PSMD3: variants seen among roughly 807,000 people sequenced by gnomAD.
PSMD3 encodes proteasome 26S subunit, non-ATPase 3.
A neutral mutation model predicts 62.8 loss-of-function variants in PSMD3; 5 were observed. The observed-to-expected ratio is 0.08, with a 90% confidence interval of 0.04 to 0.17. The LOEUF is 0.17. Ranked by LOEUF, PSMD3 falls within the 10% of genes least tolerant of loss-of-function variation. The pLI is 1.00. For synonymous variants in PSMD3, 265 were observed against 283.9 expected, an observed-to-expected ratio of 0.93 and a Z score of 0.67; for missense variants, 524 against 713.6, an observed-to-expected ratio of 0.73 and a Z score of 3.03.
In PSMD3 at chr17:39,996,758, A is replaced by G. The variant is rs1980794468; in HGVS notation, c.1476+420A>G. ...AGGCACTTAGCGAAGTCTAAATTGT[A>G]AAAAAGATGGCGCTGGTATCTAGCT... On this transcript the variant is annotated intron_variant, in intron 10 of 11. Coordinates refer to ENST00000264639, the MANE Select transcript of PSMD3 (RefSeq NM_002809.4). The surrounding 1 kb of genome is among the most constrained non-coding windows in gnomAD (Gnocchi z 5.1). 6.4e-6 allele frequency: 3 copies of G among 467,574 alleles called. No homozygotes were observed. The highest frequency in any genetic ancestry group is 1.3e-5 in the Non-Finnish European group (3 of 235,002). 29.0% of individuals were successfully genotyped at this position (467,574 alleles called of 1,614,324 possible).
rs2144817178 is a variant in PSMD3, at chr17:39,995,495, A to G, written c.1288A>G (p.Ser430Gly). ...ADIAQKLQLD[S>G]PEDAEFIVAK... ...CATCGCCCAGAAGCTGCAGTTGGAT[A>G]GCCCCGAAGATGCAGAGTTCATTGT... The change falls in exon 9 of 12, where the codon AGC becomes GGC. Residue 430 changes from serine to glycine, a missense_variant. By Grantham distance (56) the Ser-to-Gly change is moderately conservative. Coordinates refer to ENST00000264639, the MANE Select transcript of PSMD3 (RefSeq NM_002809.4). The surrounding 1 kb of genome is among the most constrained non-coding windows in gnomAD (Gnocchi z 4.1). The G allele has an allele frequency of 6.2e-7, 1 of 1,614,018 alleles. No homozygotes were observed. The highest frequency in any genetic ancestry group is 8.5e-7 in the Non-Finnish European group (1 of 1,179,914).
At position 39,988,680 on chromosome 17, in the gene PSMD3, C is replaced by T. The variant is rs999799128; in HGVS notation, c.550-3C>T. On this transcript the variant is annotated splice_region_variant and splice_polypyrimidine_tract_variant and intron_variant, in intron 3 of 11. Coordinates refer to ENST00000264639, the MANE Select transcript of PSMD3 (RefSeq NM_002809.4). ...CTTGATTCTCTTTTGGCTTCCTCCC[C>T]AGGCACAGAAGATCTCTGATGATCT... 6.2e-7 allele frequency: 1 copy of T among 1,614,050 alleles called. No individual in the cohort carries two copies.
At chr17:39,994,867 C>A in intron 6 of PSMD3, 87 bp from the exon 7 acceptor site, 1 of 1,165,514 alleles carries the variant, frequency 8.6e-7, no homozygotes, top group Non-Finnish European at 1.3e-6. Context: ...TTTCCCACTA[C>A]ATCTGGCAGA....
intron 1 of PSMD3, 73 bp from the exon 2 acceptor site, chr17:39,984,221 A>AG: frequency 1.1e-6 from 1 of 917,410 alleles, no homozygotes; most frequent in Non-Finnish European, 1.6e-6. Context: ...AAAAAAAAAA[A>AG]AGAACTCCTT....
rs1187236821 is a variant in PSMD3 at position 39,981,088 on chromosome 17, G to A, written c.118G>A (p.Glu40Lys). The A allele has an allele frequency of 1.3e-6, 2 of 1,550,836 alleles. No homozygotes were observed. Among genetic ancestry groups the A allele is most frequent in the Admixed American group, 3.9e-5 (2 of 50,996 alleles). Residue 40 changes from glutamate (E) to lysine (K), a missense_variant, in exon 1 of 12, where the codon GAG becomes AAG. Physicochemically the swap from Glu to Lys is moderately conservative, Grantham distance 56 (BLOSUM62 1). Around this residue, in one of 4 missense-constraint regions of PSMD3, gnomAD observed 396 missense variants for 475.8 expected, o/e 0.83. Transcript: ENST00000264639. Reference protein sequence around the residue: ...PAPQDVEMKEEAATGGGSTGE... With the variant: ...PAPQDVEMKEKAATGGGSTGE... ...CCCCCAGGATGTGGAGATGAAAGAG[G>A]AGGCAGCGACGGGTGGCGGGTCGAC...
In PSMD3 at chr17:39,995,409, T is replaced by G. The variant is rs1029105237; in HGVS notation, c.1217-15T>G. 3.7e-6 allele frequency: 6 copies of G among 1,612,936 alleles called. No individual in the cohort carries two copies. Among genetic ancestry groups the G allele is most frequent in the Non-Finnish European group, 4.2e-6 (5 of 1,179,012 alleles). On this transcript the variant is annotated splice_polypyrimidine_tract_variant and intron_variant, in intron 8 of 11. Coordinates refer to ENST00000264639, the MANE Select transcript of PSMD3 (RefSeq NM_002809.4). The surrounding 1 kb of genome is among the most constrained non-coding windows in gnomAD (Gnocchi z 4.1). Reference sequence around the variant, plus strand: ...GTGTCCACTCTGCCCACCCCATCGCTCCTTCCTCTCCCAGGTGTACGCATG... The same window carrying G: ...GTGTCCACTCTGCCCACCCCATCGCGCCTTCCTCTCCCAGGTGTACGCATG...
At position 39,984,296 on chromosome 17, in the gene PSMD3, A is replaced by G; in HGVS notation, c.223A>G (p.Ile75Val). 6.2e-7 allele frequency: 1 copy of G among 1,612,052 alleles called. No individual in the cohort carries two copies. Among genetic ancestry groups the G allele is most frequent in the Non-Finnish European group, 8.5e-7 (1 of 1,179,056 alleles). Residue 75 changes from isoleucine (I) to valine (V), a missense_variant and splice_region_variant, in exon 2 of 12, where the codon ATC becomes GTC. Physicochemically the swap from Ile to Val is conservative, Grantham distance 29 (BLOSUM62 3). Around this residue, in one of 4 missense-constraint regions of PSMD3, gnomAD observed 396 missense variants for 475.8 expected, o/e 0.83. Coordinates refer to ENST00000264639, the MANE Select transcript of PSMD3 (RefSeq NM_002809.4). ...RELDTVTLEDIKEHVKQLEKA... is the reference protein window; with the variant it reads ...RELDTVTLEDVKEHVKQLEKA... Reference sequence around the variant, plus strand: ...TTTTCTTCTCTGCTCTTCTTCAGACATCAAGGAGCACGTGAAACAGCTAGA... The same window carrying G: ...TTTTCTTCTCTGCTCTTCTTCAGACGTCAAGGAGCACGTGAAACAGCTAGA...
chr17:39,985,487 T>C (rs1980502202), intron 2 of PSMD3, among the ~76,000 whole-genome samples: 1 of 152,224 alleles, frequency 6.6e-6, no homozygotes, highest in East Asian at 1.9e-4. Flanking sequence ...GACCTCTCCT[T>C]ATCCTCTGTA....
rs1444996930 is a variant in PSMD3 at position 39,995,618 on chromosome 17, G to A, written c.1320+91G>A. ...GTGGGAGGAGTTTGGCCAAGGAGGG[G>A]AATAGGTAAAGCAATGGCATAGTCA... On this transcript the variant is annotated intron_variant, in intron 9 of 11. Transcript: ENST00000264639. This position sits in a 1 kb window ranked among gnomAD's most constrained non-coding sequence, Gnocchi z 4.1. 1 of 1,277,754 alleles carries A rather than the reference G, an allele frequency of 7.8e-7. No homozygotes were observed. The highest frequency in any genetic ancestry group is 1.1e-6 in the Non-Finnish European group (1 of 886,676). 79.2% of individuals were successfully genotyped at this position (1,277,754 alleles called of 1,614,324 possible).
Position 39,996,543 on chromosome 17 carries a change from TTTAAGGGA to T in PSMD3, c.1476+207_1476+214del, listed in dbSNP as rs1186606897. Among the ~76,000 whole-genome samples the T allele has an allele frequency of 1.3e-5, 2 of 152,184 alleles. No homozygotes were observed. Among genetic ancestry groups the T allele is most frequent in the African/African-American group, 4.8e-5 (2 of 41,536 alleles). On this transcript the variant is annotated intron_variant, in intron 10 of 11. Coordinates refer to ENST00000264639, the MANE Select transcript of PSMD3 (RefSeq NM_002809.4). The surrounding 1 kb of genome is among the most constrained non-coding windows in gnomAD (Gnocchi z 5.1). ...TAGCCAGTTGCCCTCTCCTATTGCG[TTTAAGGGA>T]TGATGTGGTCACCAGGGAGGACCAG... is the stretch of plus-strand genomic sequence containing the variant.
At chr17:39,992,117 G>GA (rs1423086533) in intron 6 of PSMD3, among the ~76,000 whole-genome samples, 1 of 151,702 alleles carries the variant, frequency 6.6e-6, no homozygotes, top group Non-Finnish European at 1.5e-5. Flanking sequence ...CAGGGTGCGT[G>GA]AGCAAAATGT....
Position 39,990,077 on chromosome 17 carries a change from C to G in PSMD3, c.878-17C>G. ...GACCCTACTCTGTTGACCAACTCTC[C>G]TCTCCTCCACTCCCAGGGCGAATCA... On this transcript the variant is annotated splice_polypyrimidine_tract_variant and intron_variant, in intron 5 of 11. Coordinates refer to ENST00000264639, the MANE Select transcript of PSMD3 (RefSeq NM_002809.4). 6.2e-7 allele frequency: 1 copy of G among 1,612,762 alleles called. No homozygotes were observed. The highest frequency in any genetic ancestry group is 1.3e-5 in the African/African-American group (1 of 74,982).
rs746006952 is a variant in PSMD3, at chr17:39,986,586, A to G, written c.423A>G (p.Thr141=). The G allele has an allele frequency of 4.3e-6, 7 of 1,614,218 alleles. No homozygotes were observed. The Admixed American group carries it at 1.2e-4, about 27-fold the overall frequency. Residue 141 remains threonine, a synonymous_variant, in exon 3 of 12, where the codon ACA becomes ACG. Coordinates refer to ENST00000264639, the MANE Select transcript of PSMD3 (RefSeq NM_002809.4). ...CTGTCCTCTCCTAGCCCATGGACACAGAGGCTGATTTACAGTTCCGTCCCC... is the reference window on the plus strand; with the variant it reads ...CTGTCCTCTCCTAGCCCATGGACACGGAGGCTGATTTACAGTTCCGTCCCC... ...LLPFLEEPMD[T]EADLQFRPRT... is the part of the protein sequence containing the mutation.
In PSMD3 at chr17:39,990,099, A is replaced by G. The variant is rs772573135; in HGVS notation, c.883A>G (p.Ile295Val). The change falls in exon 6 of 12, where the codon ATC (isoleucine) becomes GTC (valine). Residue 295 changes from isoleucine to valine, a missense_variant. Ile to Val is a conservative substitution (Grantham distance 29). This residue lies in a region of PSMD3 where 396 missense variants were observed against 475.8 expected (regional missense o/e 0.83). Transcript: ENST00000264639. ...CTCCTCTCCTCCACTCCCAGGGCGA[A>G]TCAAAGCCATCCAGCTGGAGTACTC... Reference protein sequence around the residue: ...WARYLYYTGRIKAIQLEYSEA... With the variant: ...WARYLYYTGRVKAIQLEYSEA... The G allele has an allele frequency of 1.1e-5, 17 of 1,614,066 alleles. No homozygotes were observed. Among genetic ancestry groups the G allele is most frequent in the African/African-American group, 1.3e-5 (1 of 75,052 alleles).
At position 39,994,984 on chromosome 17, in the gene PSMD3, T is replaced by C. The variant is rs1295957605; in HGVS notation, c.1012T>C (p.Leu338=). The C allele has an allele frequency of 1.2e-6, 2 of 1,614,144 alleles. No individual in the cohort carries two copies. Among genetic ancestry groups the C allele is most frequent in the East Asian group, 4.5e-5 (2 of 44,876 alleles). ...VHKLLIVVEL[L]LGEIPDRLQF... is the part of the protein sequence containing the mutation. The stretch of plus-strand genomic sequence containing the variant: ...CAAGCTTCTCATCGTGGTGGAGCTG[T>C]TGCTGGGGGAGATCCCTGACCGGCT... The change falls in exon 7 of 12, where the codon TTG becomes CTG. Residue 338 remains leucine (L), a synonymous_variant. Transcript: ENST00000264639.
chr17:39,995,049 C>G lies in PSMD3; in HGVS notation c.1077C>G (p.Pro359=). The G allele has an allele frequency of 1.9e-6, 3 of 1,614,150 alleles. No homozygotes were observed. Among genetic ancestry groups the G allele is most frequent in the Non-Finnish European group, 2.5e-6 (3 of 1,180,036 alleles). ...CCTCCCTCAAGCGCTCACTCATGCCCTATTTCCTTCTGACTCAAGGTAAGG... is the reference window on the plus strand; with the variant it reads ...CCTCCCTCAAGCGCTCACTCATGCCGTATTTCCTTCTGACTCAAGGTAAGG... The part of the protein sequence containing the change: ...RQPSLKRSLM[P]YFLLTQAVRT... The change falls in exon 7 of 12, where the codon CCC becomes CCG. Residue 359 remains proline, a synonymous_variant. Coordinates refer to ENST00000264639, the MANE Select transcript of PSMD3 (RefSeq NM_002809.4). The surrounding 1 kb of genome is among the most constrained non-coding windows in gnomAD (Gnocchi z 4.1).
chr17:39,995,411 CT>C lies in PSMD3; in HGVS notation c.1217-11del. ...GTCCACTCTGCCCACCCCATCGCTC[CT>C]TCCTCTCCCAGGTGTACGCATGATC... On this transcript the variant is annotated splice_polypyrimidine_tract_variant and intron_variant, in intron 8 of 11. Coordinates refer to ENST00000264639, the MANE Select transcript of PSMD3 (RefSeq NM_002809.4). The surrounding 1 kb of genome is among the most constrained non-coding windows in gnomAD (Gnocchi z 4.1). 6.2e-7 allele frequency: 1 copy of C among 1,613,346 alleles called. No homozygotes were observed. The highest frequency in any genetic ancestry group is 1.7e-5 in the Admixed American group (1 of 60,020).
In PSMD3 at chr17:39,980,883, A is replaced by AGGCCC. The variant is rs1397983566; in HGVS notation, c.-84_-80dup. The AGGCCC allele has an allele frequency of 1.7e-6, 2 of 1,195,912 alleles. No individual in the cohort carries two copies. The highest frequency in any genetic ancestry group is 2.3e-6 in the Non-Finnish European group (2 of 887,118). The allele number at this position is 1,195,912 out of a possible 1,614,324, so 74.1% of individuals were successfully genotyped here. On this transcript the variant is annotated 5_prime_UTR_variant, in exon 1 of 12. Transcript: ENST00000264639. ...CCGACGCTATCTCGCGCTCGTGTGC[A>AGGCCC]GGCCCGGCTCGGCTCCTGGTCCCCG... is the stretch of plus-strand genomic sequence containing the variant.
At chr17:39,993,365 T>G (rs1346055567) in intron 6 of PSMD3, 1 of 152,154 alleles carries the variant, frequency 6.6e-6, no homozygotes, top group Non-Finnish European at 1.5e-5. Flanking sequence ...GGGGATGCAG[T>G]TTAGCCCATA....
Sources: gnomAD v4.1 joint callset for allele counts (sites outside exome capture counted in the v4.1 genomes callset) on GRCh38, gnomAD v4.1.1 for gene constraint, gnomAD v4.1.1 regional missense constraint, Gnocchi (gnomAD v3.1) non-coding constraint, MANE v1.5 for transcripts, NCBI Gene and HGNC (gene_info 2026-07-23, HGNC 2026-07-21) for gene names.